Variants in GNAL observed in about 807,000 individuals in gnomAD.
GNAL encodes the protein G protein subunit alpha L, also known as guanine nucleotide-binding protein G(olf) subunit alpha.
GNAL carries 18 observed loss-of-function variants against 55.1 expected under a neutral mutation model. That is an observed-to-expected ratio of 0.33 (90% CI 0.23 to 0.48). GNAL has a LOEUF of 0.48. Ranked by LOEUF, GNAL falls within the 20% of genes least tolerant of loss-of-function variation. The pLI is 0.99. For synonymous variants in GNAL, 253 were observed against 237.0 expected (o/e 1.07, Z -0.62); for missense variants, 412 against 614.1 (o/e 0.67, Z 3.48).
intron 4 of GNAL, among the ~76,000 whole-genome samples, chr18:11,812,774 G>A (rs1266980213): frequency 6.6e-6 from 1 of 151,988 alleles, no homozygotes. Context: ...AACCTGGGAG[G>A]CGGAGGTGTA....
intron 4 of GNAL, among the ~76,000 whole-genome samples, chr18:11,776,974 T>A (rs1318745971): frequency 6.6e-6 from 1 of 152,194 alleles, no homozygotes; most frequent in African/African-American, 2.4e-5. Context: ...AGCATGAAGG[T>A]TGTAGTATCA....
At chr18:11,846,464 T>TATACACACACACACAC (rs1555613166) in intron 5 of GNAL, among the ~76,000 whole-genome samples, 6 of 140,096 alleles carry the variant, frequency 4.3e-5, no homozygotes, top group Admixed American at 2.2e-4. Context: ...TATATAAATA[T>TATACACACACACACAC]ACACACACAC....
At position 11,751,764 on chromosome 18, in the gene GNAL, C is replaced by T; in HGVS notation, c.377-1089C>T. ...GGTCAGCTCCCTGACCCCTACAGCG[C>T]GGTAGCGCCTCTCCGAGAGCTCCGG... On this transcript the variant is annotated intron_variant, in intron 1 of 11. Transcript: ENST00000334049. This position sits in a 1 kb window ranked among gnomAD's most constrained non-coding sequence, Gnocchi z 4.5. The T allele has an allele frequency of 3.3e-6, 2 of 607,650 alleles. No individual in the cohort carries two copies. The highest frequency in any genetic ancestry group is 4.1e-6 in the Non-Finnish European group (2 of 484,162). The allele number at this position is 607,650 out of a possible 1,614,324, so 37.6% of individuals were successfully genotyped here.
chr18:11,822,280 C>T (rs1207279301), intron 4 of GNAL, among the ~76,000 whole-genome samples: 3 of 152,126 alleles, frequency 2.0e-5, no homozygotes, highest in South Asian at 2.1e-4. Context: ...TTCCCATCCC[C>T]CCCACCGCCA....
chr18:11,696,747 C>G (rs1005077984), intron 1 of GNAL, among the ~76,000 whole-genome samples: 1 of 152,182 alleles, frequency 6.6e-6, no homozygotes, highest in South Asian at 2.1e-4. Flanking sequence ...CAAAAATGCT[C>G]TCTTGGACTT....
chr18:11,768,225 A>G (rs1219389458), intron 4 of GNAL, among the ~76,000 whole-genome samples: 1 of 152,244 alleles, frequency 6.6e-6, no homozygotes, highest in Non-Finnish European at 1.5e-5. Context: ...ACTCAGGACC[A>G]TGAGTTACAC....
intron 1 of GNAL, among the ~76,000 whole-genome samples, chr18:11,737,566 C>T (rs1220914759): frequency 6.6e-6 from 1 of 152,156 alleles, no homozygotes; most frequent in East Asian, 1.9e-4. Context: ...CTCTCCAGTC[C>T]ACTGGTTCAC....
At chr18:11,699,827 C>T (rs559560155) in intron 1 of GNAL, among the ~76,000 whole-genome samples, 30 of 152,026 alleles carry the variant, frequency 2.0e-4, no homozygotes, top group Non-Finnish European at 4.1e-4. Context: ...AGAGGGAACC[C>T]TAGTGTAGCC....
chr18:11,756,120 A>G (rs2033047746), intron 4 of GNAL, among the ~76,000 whole-genome samples: 1 of 152,168 alleles, frequency 6.6e-6, no homozygotes, highest in Non-Finnish European at 1.5e-5. Flanking sequence ...CCTGTTCATA[A>G]CAGTCTCACG....
chr18:11,734,625 C>G (rs2032420879), intron 1 of GNAL, among the ~76,000 whole-genome samples: 1 of 151,142 alleles, frequency 6.6e-6, no homozygotes, highest in Admixed American at 6.6e-5. Flanking sequence ...ATAGGCTCGC[C>G]TAGGACTCTA....
In GNAL at chr18:11,869,278, G is replaced by A. The variant is rs913806453; in HGVS notation, c.1031+615G>A. ...CCTTCCTCAGCCTCCTGAGTAGCTG[G>A]GACTACAGGCGCCCTCCACCACACC... On this transcript the variant is annotated intron_variant, in intron 9 of 11. Transcript: ENST00000334049. Among the ~76,000 whole-genome samples, 13 of 151,870 alleles carry A rather than the reference G, an allele frequency of 8.6e-5. 1 individual carries two copies. Among genetic ancestry groups the A allele is most frequent in the African/African-American group, 3.1e-4 (13 of 41,338 alleles).
chr18:11,810,127 A>G (rs563416844), intron 4 of GNAL, among the ~76,000 whole-genome samples: 1 of 152,348 alleles, frequency 6.6e-6, no homozygotes, highest in East Asian at 1.9e-4. Context: ...AGGGCGGCTC[A>G]CGCCTATAAT....
At chr18:11,702,988 C>T (rs193214758) in intron 1 of GNAL, among the ~76,000 whole-genome samples, 21 of 152,132 alleles carry the variant, frequency 1.4e-4, no homozygotes, top group Admixed American at 1.2e-3. Flanking sequence ...CATGGTGGCA[C>T]GAGCCTGTAA....
At chr18:11,833,566 G>A (rs1024843985) in intron 5 of GNAL, 8 of 152,166 alleles carry the variant, frequency 5.3e-5, no homozygotes, top group African/African-American at 1.9e-4. Context: ...AAATGTTTTT[G>A]TGTGTAAAAC....
rs142770803 is a variant in GNAL at position 11,693,895 on chromosome 18, C to T, written c.376+3956C>T. Among the ~76,000 whole-genome samples, 171 of 147,208 alleles carry T rather than the reference C, an allele frequency of 1.2e-3. 1 individual carries two copies. The highest frequency in any genetic ancestry group is 4.2e-3 in the African/African-American group (165 of 39,462). On this transcript the variant is annotated intron_variant, in intron 1 of 11. Transcript: ENST00000334049. The stretch of plus-strand genomic sequence containing the variant: ...TTAGACAGGATCTCACTTTGTCACT[C>T]AGTCAGGAGTGCAGTGGTGTGATCA...
chr18:11,867,851 G>A (rs1467860507), intron 8 of GNAL, among the ~76,000 whole-genome samples: 1 of 151,662 alleles, frequency 6.6e-6, no homozygotes, highest in African/African-American at 2.4e-5. Flanking sequence ...TTAGCCGGGT[G>A]TGGTGGCTCA....
At chr18:11,832,902 TGAAAG>T (rs1318681329) in intron 5 of GNAL, among the ~76,000 whole-genome samples, 4 of 152,066 alleles carry the variant, frequency 2.6e-5, no homozygotes, top group East Asian at 3.8e-4. Flanking sequence ...AAAAATGAGA[TGAAAG>T]GAACTATAAT....
At chr18:11,828,183 A>G (rs888970969) in intron 5 of GNAL, among the ~76,000 whole-genome samples, 4 of 152,066 alleles carry the variant, frequency 2.6e-5, no homozygotes, top group African/African-American at 7.2e-5. Flanking sequence ...AAGGCCTTTT[A>G]TCTTTTCCTC....
Position 11,856,254 on chromosome 18 carries a change from T to C in GNAL, c.723-6141T>C, listed in dbSNP as rs186412372. Among the ~76,000 whole-genome samples the C allele has an allele frequency of 2.2e-3, 341 of 151,588 alleles. 24 individuals carry two copies. The highest frequency in any genetic ancestry group is 8.1e-3 in the African/African-American group (331 of 40,858). On this transcript the variant is annotated intron_variant, in intron 5 of 11. Transcript: ENST00000334049. ...TGACTGGAATTAGCAAAATGCTGTCTGGTTTACCTAGGTTTGTTTTTCTAC... is the reference window on the plus strand; with the variant it reads ...TGACTGGAATTAGCAAAATGCTGTCCGGTTTACCTAGGTTTGTTTTTCTAC...
Sources: allele counts gnomAD v4.1 joint callset (sites outside exome capture counted in the v4.1 genomes callset), GRCh38; gene constraint gnomAD v4.1.1; non-coding constraint Gnocchi (gnomAD v3.1); transcripts MANE v1.5; gene names NCBI Gene and HGNC (gene_info 2026-07-23, HGNC 2026-07-21).